The following USP39 variants were observed in gnomAD, a reference collection of about 807,000 sequenced individuals.
USP39 encodes ubiquitin carboxyl-terminal hydrolase 39.
USP39 carries 38 observed loss-of-function variants against 66.4 expected under a neutral mutation model. The observed-to-expected ratio is 0.57, with a 90% CI of 0.44 to 0.75. The LOEUF is 0.75. USP39 is among the 30% of genes least tolerant of loss of function. USP39 has a pLI of 0.00. For missense variants in USP39, 608 were observed against 714.4 expected (o/e 0.85, Z 1.70); for synonymous variants, 303 against 274.6 (o/e 1.10, Z -1.02).
At chr2:85,609,717 T>A, upstream of USP39, 1 of 1,226,084 alleles carries the variant, frequency 8.2e-7, no homozygotes, top group Non-Finnish European at 1.1e-6. Context: ...AGTCTCACTC[T>A]GTCGCCCAGG....
intron 12 of USP39, 98 bp from the exon 13 acceptor site, chr2:85,648,663 T>C: frequency 7.2e-7 from 1 of 1,397,314 alleles, no homozygotes; most frequent in Non-Finnish European, 1.0e-6. Flanking sequence ...GTAAATGGGG[T>C]GACAAGTTGT....
intron 8 of USP39, among the ~76,000 whole-genome samples, chr2:85,637,883 A>T (rs1346283571): frequency 6.6e-6 from 1 of 151,838 alleles, no homozygotes; most frequent in Non-Finnish European, 1.5e-5. Context: ...TTTAGTTGTG[A>T]CGGGGCTTCA....
Position 85,637,467 on chromosome 2 carries a change from A to T in USP39, c.1095+31A>T. 6 of 1,608,786 alleles carry T rather than the reference A, an allele frequency of 3.7e-6. No individual in the cohort carries two copies. In the African/African-American group the frequency reaches 8.0e-5, roughly 21 times the overall value. On this transcript the variant is annotated intron_variant, in intron 8 of 12. Transcript: ENST00000323701. Reference sequence around the variant, plus strand: ...TTAATTGAGCCTGGGTCTTGGACTGATTCATATTGCTTGAGGGGACGTAGG... The same window carrying T: ...TTAATTGAGCCTGGGTCTTGGACTGTTTCATATTGCTTGAGGGGACGTAGG...
rs773054318 is a variant in USP39, at chr2:85,621,480, C to G, written c.339-5C>G. ...TATTTATTTTTTTCTGTTTTGTTTC[C>G]TTAGGAGTGTGCTGGACTTTGACTT... On this transcript the variant is annotated splice_region_variant and splice_polypyrimidine_tract_variant and intron_variant, in intron 2 of 12. Transcript: ENST00000323701. 6.2e-7 allele frequency: 1 copy of G among 1,613,600 alleles called. No homozygotes were observed. The highest frequency in any genetic ancestry group is 1.1e-5 in the South Asian group (1 of 91,074).
chr2:85,612,858 A>C (rs936868279), upstream of USP39, among the ~76,000 whole-genome samples: 2 of 151,180 alleles, frequency 1.3e-5, no homozygotes, highest in Non-Finnish European at 1.5e-5. Context: ...ATAAGGTTTC[A>C]CCACGTTGGC....
intron 10 of USP39, 121 bp from the exon 11 acceptor site, chr2:85,644,827 C>T: frequency 1.5e-6 from 2 of 1,354,834 alleles, no homozygotes; most frequent in South Asian, 1.5e-5. Flanking sequence ...CTCTGCAAGC[C>T]TACCCAGAGA....
chr2:85,623,359 A>G (rs1016794478), intron 3 of USP39, among the ~76,000 whole-genome samples: 2 of 149,312 alleles, frequency 1.3e-5, no homozygotes, highest in Admixed American at 6.7e-5. Context: ...ATATAGATAT[A>G]TATATAGGTT....
At chr2:85,623,523 CATA>C (rs1674619459) in intron 3 of USP39, 120 bp from the exon 4 acceptor site, 3 of 1,333,492 alleles carry the variant, frequency 2.2e-6, no homozygotes, top group East Asian at 2.6e-5. Context: ...TTATGAATGG[CATA>C]ATATTTGTTT....
Position 85,616,245 on chromosome 2 carries a change from GA to G in USP39, c.51del (p.Glu18SerfsTer33), listed in dbSNP as rs1558845518. 6.7e-7 allele frequency: 1 copy of G among 1,498,632 alleles called. No homozygotes were observed. 92.8% of individuals were successfully genotyped at this position (1,498,632 alleles called of 1,614,324 possible). On this transcript the variant is annotated frameshift_variant, in exon 1 of 13. Coordinates refer to ENST00000323701, the MANE Select transcript of USP39 (RefSeq NM_006590.4). LOFTEE classifies it high-confidence loss of function. ...RESRGSTRGK[R>X]ESESRGSSGR... Reference sequence around the variant, plus strand: ...TCTCGCGGTTCCACTCGCGGGAAGCGAGAGTCTGAGTCGCGGGGCAGCTCCG... The same window carrying G: ...TCTCGCGGTTCCACTCGCGGGAAGCGGAGTCTGAGTCGCGGGGCAGCTCCG...
upstream of USP39, chr2:85,611,407 C>T: frequency 6.7e-7 from 1 of 1,498,428 alleles, no homozygotes; most frequent in South Asian, 1.4e-5. Context: ...TAAAATACAG[C>T]ACGGTGGGGC....
rs59048598 is a variant in USP39, at chr2:85,621,417, G to A, written c.339-68G>A. On this transcript the variant is annotated intron_variant, in intron 2 of 12. Coordinates refer to ENST00000323701, the MANE Select transcript of USP39 (RefSeq NM_006590.4). Reference sequence around the variant, plus strand: ...TGTGGTATCATGGGTCACAGAGCCAGCACTGCTTCATTTGCGTGCCTTCCT... The same window carrying A: ...TGTGGTATCATGGGTCACAGAGCCAACACTGCTTCATTTGCGTGCCTTCCT... 22,745 of 1,349,838 alleles carry A rather than the reference G, an allele frequency of 0.017. 2,674 individuals are homozygous for A. In the African/African-American group the frequency reaches 0.27, roughly 16 times the overall value. The allele number at this position is 1,349,838 out of a possible 1,614,324, so 83.6% of individuals were successfully genotyped here. A position where few individuals can be genotyped will look rare whatever the true frequency, so the allele number is the denominator to read the frequency against.
Position 85,641,062 on chromosome 2 carries a change from C to G in USP39, c.1371C>G (p.Phe457Leu). Reference sequence around the variant, plus strand: ...ATCTAATCTTTTGTATCAAGAGATTCACTAAGAACAACTTCTTTGTTGAGA... The same window carrying G: ...ATCTAATCTTTTGTATCAAGAGATTGACTAAGAACAACTTCTTTGTTGAGA... ...PPYLIFCIKRFTKNNFFVEKN... is the reference protein window; with the variant it reads ...PPYLIFCIKRLTKNNFFVEKN... The change falls in exon 10 of 13, where the codon TTC (phenylalanine) becomes TTG (leucine). Residue 457 changes from phenylalanine to leucine, a missense_variant. Transcript: ENST00000323701. 7 of 1,613,736 alleles carry G rather than the reference C, an allele frequency of 4.3e-6. No individual in the cohort carries two copies. Among genetic ancestry groups the G allele is most frequent in the Non-Finnish European group, 5.1e-6 (6 of 1,179,866 alleles).
intron 10 of USP39, among the ~76,000 whole-genome samples, chr2:85,642,514 C>A (rs867316796): frequency 1.3e-5 from 2 of 152,234 alleles, no homozygotes; most frequent in Middle Eastern, 3.4e-3. Flanking sequence ...TTTCCTTGCC[C>A]CATTGGTTTC....
At chr2:85,643,833 A>G (rs1295587857) in intron 10 of USP39, among the ~76,000 whole-genome samples, 1 of 151,290 alleles carries the variant, frequency 6.6e-6, no homozygotes, top group African/African-American at 2.4e-5. Flanking sequence ...TTTGTACTTT[A>G]GTAAAGGCAG....
At chr2:85,633,340 A>T (rs531066855) in intron 6 of USP39, among the ~76,000 whole-genome samples, 54 of 152,148 alleles carry the variant, frequency 3.5e-4, no homozygotes, top group African/African-American at 1.3e-3. Flanking sequence ...TCAGGCTGGT[A>T]TCGAACTCCT....
chr2:85,621,951 C>G (rs577699754), intron 3 of USP39, among the ~76,000 whole-genome samples: 2 of 152,152 alleles, frequency 1.3e-5, no homozygotes, highest in Admixed American at 1.3e-4. Context: ...TCCAGAGTAG[C>G]TGAGATTACA....
chr2:85,618,493 C>T (rs1429601240), intron 1 of USP39, among the ~76,000 whole-genome samples: 1 of 145,522 alleles, frequency 6.9e-6, no homozygotes, highest in Admixed American at 7.0e-5. Flanking sequence ...ATCCGGGAGG[C>T]GGAGGTTGCT....
At chr2:85,633,831 CTTTTT>C (rs35970499) in intron 6 of USP39, among the ~76,000 whole-genome samples, 15 of 78,972 alleles carry the variant, frequency 1.9e-4, no homozygotes, top group South Asian at 1.1e-3. Flanking sequence ...CGAGTAGTGG[CTTTTT>C]TTTTTTTTTT....
At chr2:85,623,485 T>C (rs1347990920) in intron 3 of USP39, 161 bp from the exon 4 acceptor site, 5 of 1,048,296 alleles carry the variant, frequency 4.8e-6, no homozygotes, top group Non-Finnish European at 6.6e-6. Context: ...AATTTTTTTA[T>C]GAGAGAACTT....
Sources: allele counts gnomAD v4.1 joint callset (sites outside exome capture counted in the v4.1 genomes callset), GRCh38; gene constraint gnomAD v4.1.1; transcripts MANE v1.5; gene names NCBI Gene and HGNC (gene_info 2026-07-23, HGNC 2026-07-21).